Variants in PLXNA4 observed in about 807,000 individuals in gnomAD.
PLXNA4 encodes the protein plexin A4.
PLXNA4 carries 44 observed loss-of-function variants against 191.8 expected under a neutral mutation model. The observed-to-expected ratio is 0.23, with a 90% CI of 0.18 to 0.29. PLXNA4 has a LOEUF of 0.29. Ranked by LOEUF, PLXNA4 falls within the 10% of genes least tolerant of loss-of-function variation. PLXNA4 has a pLI of 1.00. For missense variants in PLXNA4, 1,800 were observed against 2,488.8 expected (o/e 0.72, Z 5.89); for synonymous variants, 1,082 against 1,009.5 (o/e 1.07, Z -1.36).
chr7:132,304,140 G>A (rs764307251), intron 3 of PLXNA4, among the ~76,000 whole-genome samples: 6 of 152,054 alleles, frequency 3.9e-5, no homozygotes, highest in Admixed American at 6.5e-5. Flanking sequence ...TCATAAAGAC[G>A]TAACATACTG....
At chr7:132,182,267 C>A in intron 16 of PLXNA4, 77 bp from the exon 17 acceptor site, 1 of 1,575,932 alleles carries the variant, frequency 6.3e-7, no homozygotes, top group South Asian at 1.2e-5. Flanking sequence ...GATGACTGAG[C>A]TATGACAATA....
chr7:132,382,748 G>A (rs1456562161), intron 3 of PLXNA4, among the ~76,000 whole-genome samples: 1 of 152,098 alleles, frequency 6.6e-6, no homozygotes, highest in Non-Finnish European at 1.5e-5. Context: ...TATAACAAGT[G>A]CTTATTTTGC....
chr7:132,533,697 C>A (rs1799716434), intron 1 of PLXNA4, among the ~76,000 whole-genome samples: 2 of 152,232 alleles, frequency 1.3e-5, no homozygotes, highest in Non-Finnish European at 2.9e-5. Context: ...GAGCACACAG[C>A]CTGCAGGACC....
At chr7:132,357,875 T>C (rs918556536) in intron 3 of PLXNA4, among the ~76,000 whole-genome samples, 4 of 152,190 alleles carry the variant, frequency 2.6e-5, no homozygotes, top group Admixed American at 6.5e-5. Context: ...AGTAAATAAA[T>C]ACCAGCTCTG....
At position 132,566,649 on chromosome 7, in the gene PLXNA4, C is replaced by T. The variant is rs148134338; in HGVS notation, c.-87+9773G>A. Among the ~76,000 whole-genome samples, 18 of 152,324 alleles carry T rather than the reference C, an allele frequency of 1.2e-4. No individual in the cohort carries two copies. In the East Asian group the frequency reaches 3.3e-3, roughly 28 times the overall value. ...TTGAGAAGGTGAATGTCATTACTCA[C>T]ATATTTTGCAAACATCCATCTTGAT... On this transcript the variant is annotated intron_variant, in intron 1 of 31. Transcript: ENST00000321063.
rs73724003 is a variant in PLXNA4, at chr7:132,441,161, C to A, written c.1371+48131G>T. On this transcript the variant is annotated intron_variant, in intron 3 of 31. Coordinates refer to ENST00000321063, the MANE Select transcript of PLXNA4 (RefSeq NM_020911.2). ...TGGTGAGCTCCCATCAGAAATAGAA[C>A]TAGAACTGAAGTCTCCTAACTCTTA... is the stretch of plus-strand genomic sequence containing the variant. Among the ~76,000 whole-genome samples the A allele has an allele frequency of 7.7e-3, 1,168 of 152,294 alleles. 17 individuals carry two copies. The highest frequency in any genetic ancestry group is 0.026 in the African/African-American group (1,072 of 41,566).
intron 3 of PLXNA4, among the ~76,000 whole-genome samples, chr7:132,382,654 G>T (rs1804944307): frequency 3.3e-5 from 5 of 152,164 alleles, no homozygotes; most frequent in Admixed American, 3.3e-4. Context: ...GCACTGGCAT[G>T]GTCTGCAATA....
intron 10 of PLXNA4, 81 bp from the exon 11 acceptor site, chr7:132,203,500 G>A (rs1797512273): frequency 8.3e-6 from 10 of 1,208,490 alleles, no homozygotes; most frequent in Non-Finnish European, 1.2e-5. Flanking sequence ...TCAGCCTACG[G>A]CCGTTAAGAG....
rs539249260 is a variant in PLXNA4 at position 132,159,781 on chromosome 7, G to A, written c.4501-149C>T. 7.4e-6 allele frequency: 10 copies of A among 1,359,796 alleles called. No homozygotes were observed. The African/African-American group carries it at 1.2e-4, about 16-fold the overall frequency. The allele number at this position is 1,359,796 out of a possible 1,614,324, so 84.2% of individuals were successfully genotyped here. A position where few individuals can be genotyped will look rare whatever the true frequency, so the allele number is the denominator to read the frequency against. ...AGTAGGGTGGCTCCAGGCCATCTGT[G>A]CTCCCACCAAGCCCACTGCCCTTTC... On this transcript the variant is annotated intron_variant, in intron 24 of 31. Coordinates refer to ENST00000321063, the MANE Select transcript of PLXNA4 (RefSeq NM_020911.2).
At chr7:132,403,438 G>A (rs1056593770) in intron 3 of PLXNA4, among the ~76,000 whole-genome samples, 2 of 152,178 alleles carry the variant, frequency 1.3e-5, no homozygotes, top group African/African-American at 4.8e-5. Context: ...GGCAGGTAAC[G>A]GGAGGGGGCC....
intron 4 of PLXNA4, among the ~76,000 whole-genome samples, chr7:132,280,992 C>A (rs1800458640): frequency 6.6e-6 from 1 of 151,810 alleles, no homozygotes; most frequent in African/African-American, 2.4e-5. Flanking sequence ...ACTATCAAAC[C>A]TTTAGAAAAT....
chr7:132,446,017 A>G (rs1222463258), intron 3 of PLXNA4, among the ~76,000 whole-genome samples: 1 of 152,182 alleles, frequency 6.6e-6, no homozygotes, highest in African/African-American at 2.4e-5. Flanking sequence ...CTCTGCTCCA[A>G]GTTAACACAA....
Position 132,194,937 on chromosome 7 carries a change from A to G in PLXNA4, c.2739-758T>C, listed in dbSNP as rs983901702. Among the ~76,000 whole-genome samples the G allele has an allele frequency of 2.0e-5, 3 of 152,006 alleles. No individual in the cohort carries two copies. In the South Asian group the frequency reaches 6.2e-4, roughly 32 times the overall value. The stretch of plus-strand genomic sequence containing the variant: ...TTGCAGACATAATATATAAATATAT[A>G]TGTGTATATATATCTATGTATATAT... On this transcript the variant is annotated intron_variant, in intron 13 of 31. Coordinates refer to ENST00000321063, the MANE Select transcript of PLXNA4 (RefSeq NM_020911.2).
At chr7:132,306,247 C>A (rs1352913683) in intron 3 of PLXNA4, among the ~76,000 whole-genome samples, 1 of 152,148 alleles carries the variant, frequency 6.6e-6, no homozygotes, top group East Asian at 1.9e-4. Context: ...AAAATGCAAA[C>A]CAGTCAGTTT....
chr7:132,432,626 A>G (rs1795309541), intron 3 of PLXNA4, among the ~76,000 whole-genome samples: 1 of 152,168 alleles, frequency 6.6e-6, no homozygotes, highest in African/African-American at 2.4e-5. Flanking sequence ...TATTTCACAG[A>G]TGGAAAAACT....
chr7:132,381,767 A>C (rs905710277), intron 3 of PLXNA4, among the ~76,000 whole-genome samples: 2 of 152,204 alleles, frequency 1.3e-5, no homozygotes, highest in Non-Finnish European at 2.9e-5. Flanking sequence ...GCCTTTGCCC[A>C]GGGCTGAGGC....
chr7:132,423,791 T>C (rs1479407339), intron 3 of PLXNA4, among the ~76,000 whole-genome samples: 2 of 152,160 alleles, frequency 1.3e-5, no homozygotes, highest in Non-Finnish European at 2.9e-5. Context: ...TCCTGCAGAA[T>C]GTTTTTCTTC....
chr7:132,371,995 T>C (rs376209527), intron 3 of PLXNA4, among the ~76,000 whole-genome samples: 1 of 152,244 alleles, frequency 6.6e-6, no homozygotes, highest in Non-Finnish European at 1.5e-5. Context: ...CTCTGATTAA[T>C]GATTGTTGGC....
chr7:132,588,323 T>A (rs1398209497), intron 2 of PLXNA4, among the ~76,000 whole-genome samples: 1 of 151,972 alleles, frequency 6.6e-6, no homozygotes, highest in Non-Finnish European at 1.5e-5. Flanking sequence ...TATCTCTCCC[T>A]TGGGAGAAAT....
Sources: allele counts gnomAD v4.1 joint callset (sites outside exome capture counted in the v4.1 genomes callset), GRCh38; gene constraint gnomAD v4.1.1; transcripts MANE v1.5; gene names NCBI Gene and HGNC (gene_info 2026-07-23, HGNC 2026-07-21).